Variants in TMEM165 observed in about 807,000 individuals in gnomAD.
The protein encoded by TMEM165 is transmembrane protein 165.
In TMEM165, 19 loss-of-function variants were observed where a neutral mutation model predicts 30.0. The ratio of observed to expected loss-of-function variants is 0.63; its 90% CI spans 0.44 to 0.93. The LOEUF is 0.93. Among genes scored for constraint, TMEM165 ranks in the 40% least tolerant of loss-of-function variants. The pLI, the probability that TMEM165 is intolerant of heterozygous loss-of-function variation, is 0.00. For missense variants in TMEM165, 340 were observed against 417.0 expected, an observed-to-expected ratio of 0.82 and a Z score of 1.61; for synonymous variants, 168 against 162.9, an observed-to-expected ratio of 1.03 and a Z score of -0.24.
rs1413212225 is a variant in TMEM165, at chr4:55,401,828, C to A, written c.207+5432C>A. Among the ~76,000 whole-genome samples the A allele has an allele frequency of 1.2e-3, 178 of 149,908 alleles. 1 individual carries two copies. Among genetic ancestry groups the A allele is most frequent in the Non-Finnish European group, 2.8e-4 (19 of 67,920 alleles). On this transcript the variant is annotated intron_variant, in intron 1 of 5. Transcript: ENST00000381334. ...CAAAAAAATTCATTAAAAATAAAAT[C>A]AATGAAGGCCGGGCGCAGTGGCTCA...
chr4:55,439,772 T>C (rs1054344971), intron 3 of TMEM165, among the ~76,000 whole-genome samples: 1 of 152,172 alleles, frequency 6.6e-6, no homozygotes, highest in Non-Finnish European at 1.5e-5. Flanking sequence ...ACAAATACTG[T>C]ATGATTCCAT....
chr4:55,441,508 A>C (rs1723365609), intron 3 of TMEM165, among the ~76,000 whole-genome samples: 3 of 152,350 alleles, frequency 2.0e-5, no homozygotes, highest in South Asian at 4.1e-4. Context: ...TGAGTGGAGA[A>C]AGAAAATGTG....
At chr4:55,417,543 C>T (rs933314000) in intron 3 of TMEM165, 9 of 517,530 alleles carry the variant, frequency 1.7e-5, no homozygotes, top group South Asian at 3.1e-5. Flanking sequence ...CTGTTTCTCC[C>T]GTGGTGTCTA....
chr4:55,442,085 C>T (rs62303691), intron 3 of TMEM165, among the ~76,000 whole-genome samples: 34,282 of 151,934 alleles, frequency 0.23, 4,498 homozygotes, highest in South Asian at 0.37. Flanking sequence ...CTACCCTAAC[C>T]ACTGTTACTA....
intron 4 of TMEM165, chr4:55,423,278 C>A (rs1722057056): frequency 6.6e-6 from 1 of 152,062 alleles, no homozygotes; most frequent in African/African-American, 2.4e-5. Flanking sequence ...GTTAATTTTG[C>A]CTTCTTAATT....
In TMEM165 at chr4:55,446,920, TAAATTAC is replaced by T. The variant is rs1226589442; in HGVS notation, c.409-5317_409-5311del. On this transcript the variant is annotated intron_variant, in intron 3 of 3. Coordinates refer to the TMEM165 transcript ENST00000608091. ...CTTCAATAGTTTGTATTTGGGATAC[TAAATTAC>T]ATTTCAGGGCACACAACTTTGATTT... Among the ~76,000 whole-genome samples, 3 of 152,214 alleles carry T rather than the reference TAAATTAC, an allele frequency of 2.0e-5. No individual in the cohort carries two copies. The East Asian group carries it at 5.8e-4, about 29-fold the overall frequency.
intron 1 of TMEM165, among the ~76,000 whole-genome samples, chr4:55,398,094 G>T (rs751788931): frequency 1.2e-4 from 18 of 152,118 alleles, no homozygotes; most frequent in Non-Finnish European, 2.2e-4. Context: ...ATTTTCTGTT[G>T]TTTTTCTGTG....
chr4:55,407,267 G>A (rs1578233234), intron 1 of TMEM165, among the ~76,000 whole-genome samples: 1 of 152,280 alleles, frequency 6.6e-6, no homozygotes, highest in South Asian at 2.1e-4. Flanking sequence ...AAGGCTTGTG[G>A]TTAGCAAAAG....
intron 1 of TMEM165, among the ~76,000 whole-genome samples, chr4:55,411,357 A>T (rs1721487253): frequency 6.6e-6 from 1 of 152,144 alleles, no homozygotes. Context: ...CAGCTATGAT[A>T]TAAATATTCC....
chr4:55,453,291 T>C, exon 4 of TMEM165: 1 of 622,616 alleles, frequency 1.6e-6, no homozygotes, highest in Non-Finnish European at 2.9e-6. Context: ...TTAATTTAAC[T>C]TGCATTTTTC....
chr4:55,447,336 C>T (rs748213446), intron 3 of TMEM165, among the ~76,000 whole-genome samples: 2 of 151,572 alleles, frequency 1.3e-5, no homozygotes, highest in African/African-American at 2.4e-5. Context: ...TGCACTCCAG[C>T]CTGGGTGACA....
downstream of TMEM165, among the ~76,000 whole-genome samples, chr4:55,426,485 G>C (rs527898509): frequency 6.6e-6 from 1 of 152,222 alleles, no homozygotes; most frequent in South Asian, 2.1e-4. Context: ...AACTTCAGTC[G>C]TCACCCTCGT....
At chr4:55,420,523 G>GAAAT (rs1204766181) in intron 4 of TMEM165, among the ~76,000 whole-genome samples, 1 of 152,020 alleles carries the variant, frequency 6.6e-6, no homozygotes, top group African/African-American at 2.4e-5. Context: ...GTTTGCAGAT[G>GAAAT]AAATAACACA....
At chr4:55,426,395 A>G (rs1234671046), downstream of TMEM165, among the ~76,000 whole-genome samples, 1 of 152,208 alleles carries the variant, frequency 6.6e-6, no homozygotes, top group South Asian at 2.1e-4. Flanking sequence ...CCAAGGTTAC[A>G]TGGTAGAGTC....
chr4:55,444,571 AT>A, intron 3 of TMEM165: 1 of 1,602,764 alleles, frequency 6.2e-7, no homozygotes, highest in Non-Finnish European at 8.5e-7. Context: ...AGAAAAGTTA[AT>A]TTTCCTAGAA....
intron 2 of TMEM165, among the ~76,000 whole-genome samples, chr4:55,414,448 T>A (rs535683354): frequency 1.9e-4 from 29 of 152,304 alleles, no homozygotes; most frequent in African/African-American, 7.0e-4. Flanking sequence ...AACCACTTTT[T>A]TTTTATACTT....
chr4:55,406,666 T>C (rs1721279719), intron 1 of TMEM165, among the ~76,000 whole-genome samples: 1 of 152,222 alleles, frequency 6.6e-6, no homozygotes, highest in African/African-American at 2.4e-5. Flanking sequence ...TTTTTTTCTT[T>C]CTCTTTGTTT....
At chr4:55,402,420 TATATATATATATA>T (rs1364429660) in intron 1 of TMEM165, among the ~76,000 whole-genome samples, 1 of 89,076 alleles carries the variant, frequency 1.1e-5, no homozygotes, top group Non-Finnish European at 2.0e-5. Flanking sequence ...TATATATATA[TATATATATATATA>T]TTTTTTTTTT....
chr4:55,427,403 C>T (rs139208373), downstream of TMEM165, among the ~76,000 whole-genome samples: 6,014 of 146,298 alleles, frequency 0.041, 169 homozygotes, highest in South Asian at 0.16. Context: ...AATGCAGTGG[C>T]GCAATCTCGG....
Sources: gnomAD v4.1 joint callset for allele counts (sites outside exome capture counted in the v4.1 genomes callset) on GRCh38, gnomAD v4.1.1 for gene constraint, MANE v1.5 for transcripts, NCBI Gene and HGNC (gene_info 2026-07-23, HGNC 2026-07-21) for gene names.